SHANK2: variants seen among roughly 807,000 people sequenced by gnomAD.
SHANK2 encodes the protein SH3 and multiple ankyrin repeat domains 2, also known as SH3 and multiple ankyrin repeat domains protein 2.
Under a neutral mutation model 133.7 loss-of-function variants are expected in SHANK2, and 43 were observed. The ratio of observed to expected loss-of-function variants is 0.32; its 90% CI spans 0.25 to 0.41. SHANK2 has a LOEUF of 0.41. SHANK2 is among the 10% of genes least tolerant of loss of function. The probability of loss-of-function intolerance (pLI) is 1.00; values close to 1 mark genes in which losing one functional copy is unlikely to be tolerated. For synonymous variants in SHANK2, 1,017 were observed against 952.8 expected, an observed-to-expected ratio of 1.07 and a Z score of -1.24; for missense variants, 1,994 against 2,235.8, an observed-to-expected ratio of 0.89 and a Z score of 2.18.
chr11:71,109,356 C>T (rs1951853295), intron 6 of SHANK2, among the ~76,000 whole-genome samples: 1 of 152,150 alleles, frequency 6.6e-6, no homozygotes, highest in African/African-American at 2.4e-5. Flanking sequence ...CTAGGGGTTG[C>T]TATTGATGCT....
intron 14 of SHANK2, among the ~76,000 whole-genome samples, chr11:70,734,611 C>T (rs912783503): frequency 3.9e-5 from 6 of 152,234 alleles, no homozygotes; most frequent in Non-Finnish European, 8.8e-5. Flanking sequence ...CAGGCCCAGC[C>T]AGGGCCCCCC....
intron 11 of SHANK2, among the ~76,000 whole-genome samples, chr11:70,869,344 G>A (rs1263177409): frequency 6.6e-6 from 1 of 152,220 alleles, no homozygotes; most frequent in Admixed American, 6.5e-5. Flanking sequence ...GCAGGTTTCA[G>A]AGGGAGGACA....
rs1415916129 is a variant in SHANK2 at position 71,222,884 on chromosome 11, C to CAAGT, written c.-13+1809_-13+1812dup. Among the ~76,000 whole-genome samples the CAAGT allele has an allele frequency of 3.3e-5, 5 of 152,350 alleles. No individual in the cohort carries two copies. In the East Asian group the frequency reaches 9.6e-4, roughly 29 times the overall value. ...TGGGCCAGTGCTTCTGCACAAGGGA[C>CAAGT]AAGTATGCAGCATCGGCCACAGACG... On this transcript the variant is annotated intron_variant, in intron 2 of 25. Coordinates refer to ENST00000601538, the MANE Select transcript of SHANK2 (RefSeq NM_012309.5).
chr11:71,167,204 G>A (rs1463852282), intron 2 of SHANK2, among the ~76,000 whole-genome samples: 6 of 152,102 alleles, frequency 3.9e-5, no homozygotes, highest in Admixed American at 1.3e-4. Context: ...ACACAGACAC[G>A]GCAACCATCC....
chr11:70,688,203 C>A (rs529672383), intron 15 of SHANK2, among the ~76,000 whole-genome samples: 3 of 152,190 alleles, frequency 2.0e-5, no homozygotes, highest in South Asian at 2.1e-4. Flanking sequence ...TGAGCTGGAT[C>A]CCCCCTGCAG....
At chr11:70,549,415 C>T (rs371605238) in intron 17 of SHANK2, among the ~76,000 whole-genome samples, 4 of 152,336 alleles carry the variant, frequency 2.6e-5, no homozygotes, top group East Asian at 3.9e-4. Flanking sequence ...TCCCGATGGC[C>T]GAGAAAGGTG....
intron 14 of SHANK2, among the ~76,000 whole-genome samples, chr11:70,737,752 C>T (rs893826112): frequency 2.6e-5 from 4 of 152,234 alleles, no homozygotes; most frequent in African/African-American, 9.6e-5. Flanking sequence ...CAGACCCTTA[C>T]ATCGCAAACA....
In SHANK2 at chr11:70,562,560, A is replaced by G. The variant is rs1554981066; in HGVS notation, c.2062-59629T>C. 2.0e-5 allele frequency among the ~76,000 whole-genome samples: 3 copies of G among 152,162 alleles called. 1 individual carries two copies. The highest frequency in any genetic ancestry group is 7.2e-5 in the African/African-American group (3 of 41,442). On this transcript the variant is annotated intron_variant, in intron 17 of 25. Transcript: ENST00000601538. ...GTTAACATTCTTTGTTCTAAAATCTATTTTGATACTAATATCGTCATCCCA... is the reference window on the plus strand; with the variant it reads ...GTTAACATTCTTTGTTCTAAAATCTGTTTTGATACTAATATCGTCATCCCA...
At chr11:71,095,865 T>A (rs1951601443) in intron 6 of SHANK2, among the ~76,000 whole-genome samples, 1 of 152,124 alleles carries the variant, frequency 6.6e-6, no homozygotes, top group African/African-American at 2.4e-5. Flanking sequence ...CATGCCAGCA[T>A]CTTCATTCAT....
chr11:71,093,899 C>T (rs1555094716), intron 7 of SHANK2, among the ~76,000 whole-genome samples: 1 of 152,132 alleles, frequency 6.6e-6, no homozygotes, highest in Non-Finnish European at 1.5e-5. Context: ...CTGGTGTGGG[C>T]TCTGGTGGAG....
rs115142769 is a variant in SHANK2 at position 71,206,499 on chromosome 11, G to A, written c.-13+18198C>T. Among the ~76,000 whole-genome samples, 1,192 of 152,220 alleles carry A rather than the reference G, an allele frequency of 7.8e-3. 20 individuals carry two copies. The highest frequency in any genetic ancestry group is 0.027 in the African/African-American group (1,135 of 41,522). ...CGGGAGCCAGCAGCGCCGCACCCCCGCCAGCCTACATCCACGCAGAGAGAT... is the reference window on the plus strand; with the variant it reads ...CGGGAGCCAGCAGCGCCGCACCCCCACCAGCCTACATCCACGCAGAGAGAT... On this transcript the variant is annotated intron_variant, in intron 2 of 25. Transcript: ENST00000601538.
At chr11:70,589,045 C>T (rs1270972822) in intron 17 of SHANK2, among the ~76,000 whole-genome samples, 1 of 152,224 alleles carries the variant, frequency 6.6e-6, no homozygotes, top group Non-Finnish European at 1.5e-5. Flanking sequence ...TCTCGATCTC[C>T]TGACCTCATG....
intron 9 of SHANK2, among the ~76,000 whole-genome samples, chr11:71,065,920 T>G (rs1438308969): frequency 7.3e-4 from 10 of 13,672 alleles, no homozygotes; most frequent in Non-Finnish European, 9.6e-4. Flanking sequence ...GAGCGGTGAG[T>G]GGGGAAGTTG....
At chr11:70,528,114 G>A (rs782562969) in intron 17 of SHANK2, among the ~76,000 whole-genome samples, 3 of 152,224 alleles carry the variant, frequency 2.0e-5, no homozygotes, top group East Asian at 3.9e-4. Flanking sequence ...GGATGGCGGC[G>A]CAGAAACCAA....
chr11:70,934,047 C>T (rs558328971), intron 10 of SHANK2, among the ~76,000 whole-genome samples: 1 of 151,918 alleles, frequency 6.6e-6, no homozygotes, highest in African/African-American at 2.4e-5. Context: ...GCCTGGGCAA[C>T]ATGGCAAAAC....
chr11:70,905,597 C>A (rs1555077759), intron 10 of SHANK2, among the ~76,000 whole-genome samples: 1 of 152,048 alleles, frequency 6.6e-6, no homozygotes. Flanking sequence ...GGGTGGAGCC[C>A]TCATAAATGA....
intron 11 of SHANK2, among the ~76,000 whole-genome samples, chr11:70,855,094 G>A (rs1254474553): frequency 6.6e-6 from 1 of 152,228 alleles, no homozygotes; most frequent in Non-Finnish European, 1.5e-5. Context: ...CATTTGGCTA[G>A]ATGCCAGCAT....
In SHANK2 at chr11:71,173,517, G is replaced by A. The variant is rs530485460; in HGVS notation, c.-12-26179C>T. Among the ~76,000 whole-genome samples, 17 of 152,322 alleles carry A rather than the reference G, an allele frequency of 1.1e-4. No homozygotes were observed. In the East Asian group the frequency reaches 1.7e-3, roughly 16 times the overall value. Reference sequence around the variant, plus strand: ...AACCCTCTTCTTTGATGAACCAGGCGAATGTCCCCTTCGGAAACATTCTTT... The same window carrying A: ...AACCCTCTTCTTTGATGAACCAGGCAAATGTCCCCTTCGGAAACATTCTTT... On this transcript the variant is annotated intron_variant, in intron 2 of 25. Transcript: ENST00000601538.
At chr11:70,651,223 A>T (rs2061335451) in intron 17 of SHANK2, among the ~76,000 whole-genome samples, 1 of 152,180 alleles carries the variant, frequency 6.6e-6, no homozygotes, top group African/African-American at 2.4e-5. Context: ...CCCTGAAGTG[A>T]TTCTGAATCT....
Sources: gnomAD v4.1 joint callset for allele counts (sites outside exome capture counted in the v4.1 genomes callset) on GRCh38, gnomAD v4.1.1 for gene constraint, MANE v1.5 for transcripts, NCBI Gene and HGNC (gene_info 2026-07-23, HGNC 2026-07-21) for gene names.